Variants in SLC24A2 observed in about 807,000 individuals in gnomAD.
The protein encoded by SLC24A2 is sodium/potassium/calcium exchanger 2.
SLC24A2 carries 36 observed loss-of-function variants against 62.0 expected under a neutral mutation model. The ratio of observed to expected loss-of-function variants is 0.58; its 90% CI spans 0.44 to 0.77. The LOEUF (loss-of-function observed/expected upper bound fraction) is 0.77, where lower values mean the gene tolerates loss of function less well. Among genes scored for constraint, SLC24A2 ranks in the 30% least tolerant of loss-of-function variants. The pLI is 0.00. For synonymous variants in SLC24A2, 358 were observed against 294.0 expected (o/e 1.22, Z -2.23); for missense variants, 846 against 817.9 (o/e 1.03, Z -0.42).
At chr9:20,025,934 T>A in the SLC24A2 span, among the ~76,000 whole-genome samples, 24 of 152,146 alleles carry the variant, frequency 1.6e-4, no homozygotes, top group African/African-American at 5.6e-4. Context: ...TTGCCCCTAA[T>A]AAAAGACACT....
At chr9:19,598,106 C>T (rs2132902860) in intron 4 of SLC24A2, among the ~76,000 whole-genome samples, 2 of 152,300 alleles carry the variant, frequency 1.3e-5, no homozygotes, top group Middle Eastern at 3.4e-3. Context: ...TGGGATACAC[C>T]ATTTCTGTTT....
intron 6 of SLC24A2, 149 bp from the exon 7 acceptor site, chr9:19,573,618 A>G: frequency 5.4e-6 from 4 of 740,418 alleles, no homozygotes; most frequent in Non-Finnish European, 7.1e-6. Flanking sequence ...ATGTTGGGCT[A>G]AAGCAGAGGA....
At chr9:20,155,300 C>G in the SLC24A2 span, among the ~76,000 whole-genome samples, 1 of 151,686 alleles carries the variant, frequency 6.6e-6, no homozygotes, top group East Asian at 1.9e-4. Context: ...TACCACCTGT[C>G]CACCATCACC....
chr9:20,148,125 G>A, the SLC24A2 span, among the ~76,000 whole-genome samples: 258 of 151,968 alleles, frequency 1.7e-3, 4 homozygotes, highest in South Asian at 0.028. Flanking sequence ...CTGACTGTCC[G>A]GATAAGTATA....
At chr9:19,695,679 C>A (rs1346009966) in intron 2 of SLC24A2, among the ~76,000 whole-genome samples, 298 of 73,512 alleles carry the variant, frequency 4.1e-3, no homozygotes, top group Middle Eastern at 0.011. Flanking sequence ...TTGTTAGTAG[C>A]AAAAAAAAAA....
chr9:19,525,551 G>A (rs1368808652), intron 9 of SLC24A2, among the ~76,000 whole-genome samples: 1 of 151,470 alleles, frequency 6.6e-6, no homozygotes, highest in Non-Finnish European at 1.5e-5. Flanking sequence ...CTACAGGCGT[G>A]TGCTACCATG....
At chr9:20,243,621 CA>C in the SLC24A2 span, among the ~76,000 whole-genome samples, 1 of 152,150 alleles carries the variant, frequency 6.6e-6, no homozygotes, top group Non-Finnish European at 1.5e-5. Context: ...CATTTGCTCT[CA>C]ATTTTGTTAT....
the SLC24A2 span, among the ~76,000 whole-genome samples, chr9:20,240,646 G>A: frequency 2.0e-5 from 3 of 152,092 alleles, no homozygotes; most frequent in African/African-American, 4.8e-5. Flanking sequence ...TTCACAGATT[G>A]TAGCGGGGTT....
At chr9:20,209,539 T>A in the SLC24A2 span, among the ~76,000 whole-genome samples, 1 of 152,180 alleles carries the variant, frequency 6.6e-6, no homozygotes, top group Non-Finnish European at 1.5e-5. Context: ...GTTTTGAGAA[T>A]AGCAGTTCTC....
chr9:20,120,566 G>A, the SLC24A2 span, among the ~76,000 whole-genome samples: 1 of 152,288 alleles, frequency 6.6e-6, no homozygotes, highest in South Asian at 2.1e-4. Flanking sequence ...GAAGTTGGGA[G>A]AAGGGTGAGG....
At chr9:19,698,061 T>C (rs1465564237) in intron 2 of SLC24A2, among the ~76,000 whole-genome samples, 4 of 152,228 alleles carry the variant, frequency 2.6e-5, no homozygotes, top group Non-Finnish European at 5.9e-5. Flanking sequence ...AAATTTATCT[T>C]ATTTAAATGA....
the SLC24A2 span, among the ~76,000 whole-genome samples, chr9:20,254,362 C>A: frequency 2.0e-5 from 3 of 152,194 alleles, no homozygotes. Context: ...TTAGCACCCA[C>A]TGTGTGCCAG....
the SLC24A2 span, among the ~76,000 whole-genome samples, chr9:20,031,937 G>A: frequency 2.0e-5 from 3 of 152,096 alleles, no homozygotes; most frequent in East Asian, 3.8e-4. Context: ...CATAATCACC[G>A]ATATCAAAAT....
chr9:20,041,074 C>T, the SLC24A2 span, among the ~76,000 whole-genome samples: 1 of 152,164 alleles, frequency 6.6e-6, no homozygotes, highest in Non-Finnish European at 1.5e-5. Flanking sequence ...GAAGCAATGT[C>T]TAAAAATAAA....
At chr9:19,638,377 T>C (rs985982148) in intron 2 of SLC24A2, among the ~76,000 whole-genome samples, 7 of 152,250 alleles carry the variant, frequency 4.6e-5, no homozygotes, top group African/African-American at 1.2e-4. Context: ...TTTACCTTTA[T>C]TGCCAACGGA....
the SLC24A2 span, among the ~76,000 whole-genome samples, chr9:20,056,761 T>C: frequency 1.1e-4 from 16 of 152,264 alleles, no homozygotes; most frequent in South Asian, 1.0e-3. Flanking sequence ...TCAAGACCAA[T>C]AGATAGGCAG....
chr9:20,242,969 C>A, the SLC24A2 span, among the ~76,000 whole-genome samples: 1 of 152,240 alleles, frequency 6.6e-6, no homozygotes, highest in Non-Finnish European at 1.5e-5. Context: ...ACTTGCAAAA[C>A]GAAAAGTTTC....
chr9:19,704,526 C>T (rs1820452251), intron 2 of SLC24A2, among the ~76,000 whole-genome samples: 1 of 152,140 alleles, frequency 6.6e-6, no homozygotes, highest in South Asian at 2.1e-4. Flanking sequence ...CTATTATGAA[C>T]ATGCCTCTTT....
chr9:19,887,044 G>A, the SLC24A2 span, among the ~76,000 whole-genome samples: 1 of 152,156 alleles, frequency 6.6e-6, no homozygotes, highest in Non-Finnish European at 1.5e-5. Flanking sequence ...ACACACTAGG[G>A]CCTGTAAGGG....
Sources: gnomAD v4.1 joint callset for allele counts (sites outside exome capture counted in the v4.1 genomes callset) on GRCh38, gnomAD v4.1.1 for gene constraint, MANE v1.5 for transcripts, NCBI Gene and HGNC (gene_info 2026-07-23, HGNC 2026-07-21) for gene names.